The following INPP5E variants were observed in gnomAD, a reference collection of about 807,000 sequenced individuals.
INPP5E encodes the protein phosphatidylinositol polyphosphate 5-phosphatase type IV.
Under a neutral mutation model 50.5 loss-of-function variants are expected in INPP5E, and 34 were observed. The ratio of observed to expected loss-of-function variants is 0.67; its 90% confidence interval spans 0.51 to 0.90. INPP5E has a LOEUF of 0.90. INPP5E is among the 40% of genes least tolerant of loss of function. The pLI is 0.00. For missense variants in INPP5E, 942 were observed against 905.5 expected (o/e 1.04, Z -0.52); for synonymous variants, 447 against 406.0 (o/e 1.10, Z -1.21).
chr9:136,429,872 G>T, intron 9 of INPP5E, 65 bp from the exon 10 acceptor site: 1 of 1,234,342 alleles, frequency 8.1e-7, no homozygotes. Context: ...TTAGGAGGGG[G>T]CCGGCCCCGG....
In INPP5E at chr9:136,439,105, G is replaced by C. The variant is rs1835921942; in HGVS notation, c.315C>G (p.Ala105=). Residue 105 remains alanine, a synonymous_variant, in exon 1 of 10, where the codon GCC becomes GCG. Transcript: ENST00000371712. Reference sequence around the variant, plus strand: ...CCCTGGAGGGACTGGTCCCATTCCGGGCTTCCAGGTCCTCCTGGCTGCCTC... The same window carrying C: ...CCCTGGAGGGACTGGTCCCATTCCGCGCTTCCAGGTCCTCCTGGCTGCCTC... The part of the protein sequence containing the change: ...RFRGSQEDLE[A]RNGTSPSRGS... 1.3e-6 allele frequency: 2 copies of C among 1,581,592 alleles called. No individual in the cohort carries two copies. The highest frequency in any genetic ancestry group is 2.3e-5 in the South Asian group (2 of 87,076).
intron 2 of INPP5E, 135 bp from the exon 3 acceptor site, chr9:136,434,269 A>C: frequency 1.5e-6 from 1 of 687,958 alleles, no homozygotes; most frequent in South Asian, 1.7e-5. Flanking sequence ...CCAAAAAGGG[A>C]GCTGCCCGGT....
chr9:136,437,365 CACCCTGG>C (rs1835853380), intron 1 of INPP5E: 1 of 152,198 alleles, frequency 6.6e-6, no homozygotes. Context: ...GAGATAAGAC[CACCCTGG>C]ATTTAGGGTA....
rs920385602 is a variant in INPP5E, at chr9:136,429,496, A to G, written c.*179T>C. The G allele has an allele frequency of 3.7e-6, 3 of 809,080 alleles. No homozygotes were observed. In the East Asian group the frequency reaches 7.3e-5, roughly 20 times the overall value. 50.1% of individuals were successfully genotyped at this position (809,080 alleles called of 1,614,324 possible). ...AGCCCTGCCCACCCACACCGTGTGG[A>G]CCTGCCACAGAGGACAGGCTCGCTC... On this transcript the variant is annotated 3_prime_UTR_variant, in exon 10 of 10. Coordinates refer to ENST00000371712, the MANE Select transcript of INPP5E (RefSeq NM_019892.6).
Position 136,432,718 on chromosome 9 carries a change from G to A in INPP5E, c.1280-132C>T, listed in dbSNP as rs368921831. ...CAACCCCACCGGGCATCCGCTGCCGGGCCCAGCCAGTGACATTTCCGCCTC... is the reference window on the plus strand; with the variant it reads ...CAACCCCACCGGGCATCCGCTGCCGAGCCCAGCCAGTGACATTTCCGCCTC... On this transcript the variant is annotated intron_variant, in intron 5 of 9. Coordinates refer to ENST00000371712, the MANE Select transcript of INPP5E (RefSeq NM_019892.6). 5 of 895,624 alleles carry A rather than the reference G, an allele frequency of 5.6e-6. No individual in the cohort carries two copies. In the East Asian group the frequency reaches 1.1e-4, roughly 19 times the overall value. The allele number at this position is 895,624 out of a possible 1,614,324, so 55.5% of individuals were successfully genotyped here.
intron 1 of INPP5E, chr9:136,438,045 CA>C (rs1382235137): frequency 6.3e-6 from 1 of 159,370 alleles, no homozygotes; most frequent in East Asian, 1.8e-4. Flanking sequence ...GGAATCCCAG[CA>C]CTTTGGGAGG....
intron 1 of INPP5E, chr9:136,437,089 A>T (rs1235166204): frequency 6.6e-6 from 1 of 152,270 alleles, no homozygotes; most frequent in African/African-American, 2.4e-5. Flanking sequence ...CAAAAGCAGC[A>T]GTCTTGCCCT....
In INPP5E at chr9:136,432,744, G is replaced by A. The variant is rs189335855; in HGVS notation, c.1280-158C>T. 2.3e-4 allele frequency among the ~76,000 whole-genome samples: 35 copies of A among 152,352 alleles called. 1 individual carries two copies. Among genetic ancestry groups the A allele is most frequent in the East Asian group, 5.8e-4 (3 of 5,186 alleles). On this transcript the variant is annotated intron_variant, in intron 5 of 9. Transcript: ENST00000371712. The stretch of plus-strand genomic sequence containing the variant: ...GCCCAGCCAGTGACATTTCCGCCTC[G>A]GAGGACAGAGCACGGGCCCAGCACG...
rs1383730685 is a variant in INPP5E, at chr9:136,429,660, C to T, written c.*15G>A. The T allele has an allele frequency of 6.2e-7, 1 of 1,613,698 alleles. No homozygotes were observed. Among genetic ancestry groups the T allele is most frequent in the Non-Finnish European group, 8.5e-7 (1 of 1,180,022 alleles). ...TCACCCCACGTTGCAGCTGTGAGTC[C>T]TCGTTCAGCAAACTTCAAGAAACGG... On this transcript the variant is annotated 3_prime_UTR_variant, in exon 10 of 10. Transcript: ENST00000371712.
At chr9:136,437,999 A>T (rs1273671549) in intron 1 of INPP5E, 1 of 157,504 alleles carries the variant, frequency 6.3e-6, no homozygotes, top group Non-Finnish European at 1.4e-5. Flanking sequence ...GCAGAAAAAA[A>T]CAAAGGGGGC....
Position 136,439,469 on chromosome 9 carries a change from A to G in INPP5E, c.-50T>C, listed in dbSNP as rs1835939292. On this transcript the variant is annotated 5_prime_UTR_variant, in exon 1 of 10. Coordinates refer to ENST00000371712, the MANE Select transcript of INPP5E (RefSeq NM_019892.6). Reference sequence around the variant, plus strand: ...TCGGCGCGAGGCCGCAGGCAGCGCGAGGGGTCACGGGTGCCGGGTCCGGGG... The same window carrying G: ...TCGGCGCGAGGCCGCAGGCAGCGCGGGGGGTCACGGGTGCCGGGTCCGGGG... The G allele has an allele frequency of 7.5e-7, 1 of 1,339,194 alleles. No homozygotes were observed. The highest frequency in any genetic ancestry group is 3.0e-5 in the Admixed American group (1 of 33,714). 83.0% of individuals were successfully genotyped at this position (1,339,194 alleles called of 1,614,324 possible).
intron 7 of INPP5E, 90 bp from the exon 8 acceptor site, chr9:136,431,207 G>GCCCCCCCCCCCCC: frequency 1.2e-5 from 8 of 683,494 alleles, no homozygotes; most frequent in Admixed American, 2.4e-5. Context: ...CTCCCACCAC[G>GCCCCCCCCCCCCC]CCCACCCTCC....
Position 136,430,265 on chromosome 9 carries a change from G to A in INPP5E, c.1802+12C>T. On this transcript the variant is annotated intron_variant, in intron 9 of 9. Coordinates refer to ENST00000371712, the MANE Select transcript of INPP5E (RefSeq NM_019892.6). ...CAGGCCCAAGGGGGAAGGTGAGCGG[G>A]AGAACACTGACTTGTCTCGCCCCGG... 6.4e-7 allele frequency: 1 copy of A among 1,551,194 alleles called. No individual in the cohort carries two copies. The highest frequency in any genetic ancestry group is 8.7e-7 in the Non-Finnish European group (1 of 1,146,946).
At position 136,434,611 on chromosome 9, in the gene INPP5E, G is replaced by C; in HGVS notation, c.936+129C>G. ...TCACCCTCCTGTACTGCGGTTAGCA[G>C]TGGGGTGCACCTCGGGGCTCTGCCC... On this transcript the variant is annotated intron_variant, in intron 2 of 9. Coordinates refer to ENST00000371712, the MANE Select transcript of INPP5E (RefSeq NM_019892.6). 6 of 1,300,714 alleles carry C rather than the reference G, an allele frequency of 4.6e-6. No individual in the cohort carries two copies. The South Asian group carries it at 6.8e-5, about 15-fold the overall frequency. 80.6% of individuals were successfully genotyped at this position (1,300,714 alleles called of 1,614,324 possible). A position where few individuals can be genotyped will look rare whatever the true frequency, so the allele number is the denominator to read the frequency against.
chr9:136,433,722 T>C (rs1030005579), intron 3 of INPP5E, among the ~76,000 whole-genome samples: 14 of 152,250 alleles, frequency 9.2e-5, no homozygotes, highest in Non-Finnish European at 1.8e-4. Context: ...TCAAATCTCA[T>C]TGATTTTAAA....
Position 136,439,027 on chromosome 9 carries a change from G to A in INPP5E, c.393C>T (p.Pro131=). 2 of 1,585,082 alleles carry A rather than the reference G, an allele frequency of 1.3e-6. No individual in the cohort carries two copies. The highest frequency in any genetic ancestry group is 1.7e-6 in the Non-Finnish European group (2 of 1,166,436). Residue 131 remains proline, a synonymous_variant, in exon 1 of 10, where the codon CCC becomes CCT. Coordinates refer to ENST00000371712, the MANE Select transcript of INPP5E (RefSeq NM_019892.6). Reference sequence around the variant, plus strand: ...TTTCCTGCAAGGAGGTGCTCAGGCAGGGCGGGGAGCAGCTGTGGGCGGGGG... The same window carrying A: ...TTTCCTGCAAGGAGGTGCTCAGGCAAGGCGGGGAGCAGCTGTGGGCGGGGG... ...PGAPAHSCSP[P]CLSTSLQEIP... is the part of the protein sequence containing the mutation.
intron 1 of INPP5E, chr9:136,436,042 C>G (rs1835822259): frequency 6.6e-6 from 1 of 152,238 alleles, no homozygotes; most frequent in Admixed American, 6.5e-5. Flanking sequence ...GACATGGTTC[C>G]CTTCCGCAAG....
chr9:136,438,086 C>A (rs1006103348), intron 1 of INPP5E: 8 of 166,770 alleles, frequency 4.8e-5, no homozygotes, highest in Middle Eastern at 2.9e-3. Context: ...ACCAGCCTCG[C>A]CAACACGGCG....
intron 5 of INPP5E, 66 bp downstream of exon 5, chr9:136,432,890 G>C (rs564536925): frequency 9.5e-6 from 15 of 1,579,866 alleles, no homozygotes; most frequent in Non-Finnish European, 1.3e-5. Flanking sequence ...GCCTTGGACA[G>C]GGTCCCGGTC....
Sources: allele counts gnomAD v4.1 joint callset (sites outside exome capture counted in the v4.1 genomes callset), GRCh38; gene constraint gnomAD v4.1.1; transcripts MANE v1.5; gene names NCBI Gene and HGNC (gene_info 2026-07-23, HGNC 2026-07-21).